GSR: variants seen among roughly 807,000 people sequenced by gnomAD.
The protein encoded by GSR is glutathione-disulfide reductase.
GSR carries 48 observed loss-of-function variants against 56.5 expected under a neutral mutation model. The observed-to-expected ratio is 0.85, with a 90% CI of 0.67 to 1.08. The LOEUF is 1.08. Among genes scored for constraint, GSR ranks in the 50% least tolerant of loss-of-function variants. GSR has a pLI of 0.00. For synonymous variants in GSR, 264 were observed against 270.8 expected (o/e 0.97, Z 0.25); for missense variants, 694 against 703.3 (o/e 0.99, Z 0.15).
chr8:30,690,006 A>G (rs1803316084), intron 8 of GSR, among the ~76,000 whole-genome samples: 1 of 140,072 alleles, frequency 7.1e-6, no homozygotes, highest in Non-Finnish European at 1.5e-5. Context: ...ATTTATATAC[A>G]TATATTATAT....
At chr8:30,724,544 CT>C (rs56145808) in intron 1 of GSR, among the ~76,000 whole-genome samples, 53 of 84,618 alleles carry the variant, frequency 6.3e-4, no homozygotes, top group Non-Finnish European at 9.4e-4. Flanking sequence ...AACCCCCCAC[CT>C]TTTTTTTTTT....
intron 1 of GSR, among the ~76,000 whole-genome samples, chr8:30,722,557 C>A (rs1288997702): frequency 7.7e-6 from 1 of 129,254 alleles, no homozygotes; most frequent in African/African-American, 2.6e-5. Context: ...AAGACCTTGT[C>A]TCTACTAAAA....
chr8:30,727,189 G>A (rs1039368084), intron 1 of GSR, among the ~76,000 whole-genome samples: 1 of 152,230 alleles, frequency 6.6e-6, no homozygotes, highest in African/African-American at 2.4e-5. Context: ...GTTCCCAGAT[G>A]CAGTTTTGTG....
intron 1 of GSR, among the ~76,000 whole-genome samples, chr8:30,717,215 C>A (rs1804363336): frequency 1.3e-5 from 2 of 151,200 alleles, no homozygotes; most frequent in South Asian, 2.1e-4. Flanking sequence ...CCAGCCTGGG[C>A]AACAAGAGCG....
Position 30,689,293 on chromosome 8 carries a change from C to A in GSR, c.909G>T (p.Ser303=). The stretch of plus-strand genomic sequence containing the variant: ...CAGTAACCATGCTGACTTCCAAGCC[C>A]GACAAAGTCTTTTTAACCTCCTTGA... ...SQVKEVKKTL[S]GLEVSMVTAV... The change falls in exon 9 of 13, where the codon TCG becomes TCT. Residue 303 remains serine, a synonymous_variant. Coordinates refer to ENST00000221130, the MANE Select transcript of GSR (RefSeq NM_000637.5). 6.2e-7 allele frequency: 1 copy of A among 1,614,024 alleles called. No individual in the cohort carries two copies. Among genetic ancestry groups the A allele is most frequent in the Non-Finnish European group, 8.5e-7 (1 of 1,179,940 alleles).
intron 11 of GSR, among the ~76,000 whole-genome samples, chr8:30,681,591 A>ATG (rs924340713): frequency 1.3e-5 from 2 of 152,036 alleles, no homozygotes; most frequent in South Asian, 2.1e-4. Context: ...AAAGATAGAC[A>ATG]TGTGTGTGTG....
At chr8:30,709,963 A>G (rs2128746097) in intron 2 of GSR, 61 bp from the exon 3 acceptor site, 3 of 902,994 alleles carry the variant, frequency 3.3e-6, no homozygotes, top group South Asian at 2.9e-5. Flanking sequence ...GAGGGAAAAA[A>G]GGAATCATGA....
chr8:30,693,102 A>T, intron 7 of GSR, 47 bp from the exon 8 acceptor site: 1 of 1,174,556 alleles, frequency 8.5e-7, no homozygotes, highest in Non-Finnish European at 1.3e-6. Flanking sequence ...AGAAAACTTG[A>T]GCAAAGACAC....
chr8:30,701,716 C>T (rs2472215), intron 5 of GSR, among the ~76,000 whole-genome samples: 2 of 145,968 alleles, frequency 1.4e-5, no homozygotes, highest in East Asian at 2.0e-4. Flanking sequence ...TTGCTTAAAC[C>T]CGGGAGGCAG....
At chr8:30,703,795 AAGGAGGAGGAGGAGAAGAGGG>A (rs1803829604) in intron 4 of GSR, among the ~76,000 whole-genome samples, 1 of 150,522 alleles carries the variant, frequency 6.6e-6, no homozygotes, top group South Asian at 2.1e-4. Context: ...GGGAAGGAAG[AAGGAGGAGGAGGAGAAGAGGG>A]AGGAGGAGGA....
rs116979902 is a variant in GSR, at chr8:30,688,513, A to C, written c.1041+648T>G. Among the ~76,000 whole-genome samples the C allele has an allele frequency of 6.3e-4, 95 of 150,522 alleles. No homozygotes were observed. The East Asian group carries it at 0.018, about 28-fold the overall frequency. On this transcript the variant is annotated intron_variant, in intron 9 of 12. Transcript: ENST00000221130. ...AGGATCAGTTGACCCCAGGAATTCA[A>C]GACTGCAGTGAGCTATGATCATGCC... is the stretch of plus-strand genomic sequence containing the variant.
Position 30,703,136 on chromosome 8 carries a change from G to A in GSR, c.597C>T (p.Ala199=). ...GAGGGGTGGAGGGCATACCACCTGT[G>A]GCGATCAGGATGTGTGGGGCGGTGT... ...KKYTAPHILI[A]TGGMPSTPHE... is the part of the protein sequence containing the mutation. Residue 199 remains alanine (A), a synonymous_variant, in exon 5 of 13, where the codon GCC becomes GCT. Transcript: ENST00000221130. 1 of 1,614,118 alleles carries A rather than the reference G, an allele frequency of 6.2e-7. No homozygotes were observed. Among genetic ancestry groups the A allele is most frequent in the Non-Finnish European group, 8.5e-7 (1 of 1,180,002 alleles).
chr8:30,724,592 A>G (rs537061040), intron 1 of GSR, among the ~76,000 whole-genome samples: 79 of 107,338 alleles, frequency 7.4e-4, no homozygotes, highest in African/African-American at 2.9e-3. Flanking sequence ...TCTGTTGCCC[A>G]CACTGGAGTG....
chr8:30,689,267 G>A lies in GSR; in HGVS notation c.935C>T (p.Ala312Val). The change falls in exon 9 of 13, where the codon GCA becomes GTA. Residue 312 changes from alanine (A) to valine (V), a missense_variant. By Grantham distance (64) the Ala-to-Val change is moderately conservative (BLOSUM62 0). Transcript: ENST00000221130. ...CATGACTGGTAGCCTACCGGGAACT[G>A]CAGTAACCATGCTGACTTCCAAGCC... The part of the protein sequence containing the change: ...LSGLEVSMVT[A>V]VPGRLPVMTM... The A allele has an allele frequency of 6.2e-7, 1 of 1,613,566 alleles. No individual in the cohort carries two copies. Among genetic ancestry groups the A allele is most frequent in the South Asian group, 1.1e-5 (1 of 91,060 alleles).
At chr8:30,702,213 G>A (rs866361034) in intron 5 of GSR, among the ~76,000 whole-genome samples, 12 of 151,322 alleles carry the variant, frequency 7.9e-5, no homozygotes, top group African/African-American at 2.4e-4. Flanking sequence ...CCAGCTACTC[G>A]GGAGTCTGAG....
At chr8:30,722,692 C>T (rs7012340) in intron 1 of GSR, among the ~76,000 whole-genome samples, 15,589 of 145,922 alleles carry the variant, frequency 0.11, 2,618 homozygotes, top group African/African-American at 0.36. Context: ...TGATCATGCC[C>T]CTGCACTCCA....
chr8:30,720,172 C>T (rs1204541864), intron 1 of GSR, among the ~76,000 whole-genome samples: 2 of 152,064 alleles, frequency 1.3e-5, no homozygotes, highest in African/African-American at 4.8e-5. Flanking sequence ...TATATTGCAC[C>T]ACTGCACTCC....
In GSR at chr8:30,679,225, T is replaced by C. The variant is rs776626325; in HGVS notation, c.*295A>G. 2 of 388,318 alleles carry C rather than the reference T, an allele frequency of 5.2e-6. No individual in the cohort carries two copies. The highest frequency in any genetic ancestry group is 9.4e-6 in the Non-Finnish European group (2 of 213,386). 24.1% of individuals were successfully genotyped at this position (388,318 alleles called of 1,614,324 possible). ...GTTAATTGTACTTCACAAAGCTTTATATTTGGGATGAGGCTAAAACAGAAA... is the reference window on the plus strand; with the variant it reads ...GTTAATTGTACTTCACAAAGCTTTACATTTGGGATGAGGCTAAAACAGAAA... On this transcript the variant is annotated 3_prime_UTR_variant, in exon 13 of 13. Transcript: ENST00000221130.
intron 8 of GSR, among the ~76,000 whole-genome samples, chr8:30,692,021 T>G (rs942505472): frequency 1.3e-5 from 2 of 151,552 alleles, no homozygotes; most frequent in Admixed American, 6.6e-5. Flanking sequence ...AAGGATTGCT[T>G]GAGCCCAGGA....
Sources: gnomAD v4.1 joint callset for allele counts (sites outside exome capture counted in the v4.1 genomes callset) on GRCh38, gnomAD v4.1.1 for gene constraint, MANE v1.5 for transcripts, NCBI Gene and HGNC (gene_info 2026-07-23, HGNC 2026-07-21) for gene names.